The following FBLN1 variants were observed in gnomAD, a reference collection of about 807,000 sequenced individuals.
The protein encoded by FBLN1 is fibulin-1.
A neutral mutation model predicts 89.7 loss-of-function variants in FBLN1; 34 were observed. That is an observed-to-expected ratio of 0.38 (90% CI 0.29 to 0.50). FBLN1 has a LOEUF of 0.50. Ranked by LOEUF, FBLN1 falls within the 20% of genes least tolerant of loss-of-function variation. The pLI is 0.92. For synonymous variants in FBLN1, 393 were observed against 391.3 expected (o/e 1.00, Z -0.05); for missense variants, 777 against 988.1 (o/e 0.79, Z 2.86).
chr22:45,571,264 A>G (rs562036452), intron 14 of FBLN1, among the ~76,000 whole-genome samples: 11 of 152,218 alleles, frequency 7.2e-5, no homozygotes, highest in East Asian at 1.9e-4. Context: ...AAGAAAATAA[A>G]TAACATATTA....
rs2089027307 is a variant in FBLN1 at position 45,579,721 on chromosome 22, G to A, written c.1972+2613G>A. Among the ~76,000 whole-genome samples, 1 of 152,214 alleles carries A rather than the reference G, an allele frequency of 6.6e-6. No homozygotes were observed. The highest frequency in any genetic ancestry group is 1.5e-5 in the Non-Finnish European group (1 of 68,026). On this transcript the variant is annotated intron_variant, in intron 16 of 16. Coordinates refer to ENST00000327858, the MANE Select transcript of FBLN1 (RefSeq NM_006486.3). The surrounding 1 kb of genome is among the most constrained non-coding windows in gnomAD (Gnocchi z 5.5). ...AGCCCTGCGTGTTGGGACCTAGGCTGCATTGCTGGCTGGCTCCTGTCTCTG... is the reference window on the plus strand; with the variant it reads ...AGCCCTGCGTGTTGGGACCTAGGCTACATTGCTGGCTGGCTCCTGTCTCTG...
intron 14 of FBLN1, among the ~76,000 whole-genome samples, chr22:45,554,109 G>C (rs1185734796): frequency 6.6e-6 from 1 of 152,252 alleles, no homozygotes; most frequent in Non-Finnish European, 1.5e-5. Flanking sequence ...AGCAAGTTCT[G>C]CATCCTCAAT....
At chr22:45,560,676 C>T (rs1268219415) in intron 14 of FBLN1, among the ~76,000 whole-genome samples, 1 of 152,228 alleles carries the variant, frequency 6.6e-6, no homozygotes, top group Non-Finnish European at 1.5e-5. Flanking sequence ...CATTCTCCGA[C>T]ACCCTTAATA....
intron 16 of FBLN1, 113 bp from the exon 17 acceptor site, chr22:45,600,194 T>G: frequency 1.5e-6 from 2 of 1,291,792 alleles, no homozygotes; most frequent in Non-Finnish European, 2.2e-6. Context: ...TGGGACTCCA[T>G]GAGGTCTATG....
rs540778248 is a variant in FBLN1, at chr22:45,572,082, T to C, written c.1698-2429T>C. On this transcript the variant is annotated intron_variant, in intron 14 of 16. Coordinates refer to ENST00000327858, the MANE Select transcript of FBLN1 (RefSeq NM_006486.3). The surrounding 1 kb of genome is among the most constrained non-coding windows in gnomAD (Gnocchi z 5.8). ...AGGTGGAGGTTGCAGTGAGCCGATA[T>C]CGCACCACAGCACTCCAGCCTGGGT... 2.6e-5 allele frequency among the ~76,000 whole-genome samples: 4 copies of C among 152,160 alleles called. No homozygotes were observed. The highest frequency in any genetic ancestry group is 2.6e-4 in the Admixed American group (4 of 15,276).
intron 2 of FBLN1, 62 bp from the exon 3 acceptor site, chr22:45,525,481 G>C: frequency 1.3e-6 from 2 of 1,516,828 alleles, no homozygotes; most frequent in Non-Finnish European, 1.8e-6. Flanking sequence ...CCACCCCCGA[G>C]GATCTCGTGC....
At chr22:45,542,639 G>A (rs560257889) in intron 10 of FBLN1, among the ~76,000 whole-genome samples, 1 of 152,348 alleles carries the variant, frequency 6.6e-6, no homozygotes, top group African/African-American at 2.4e-5. Flanking sequence ...AGGAGCTAGA[G>A]ATGTGTGCCT....
intron 8 of FBLN1, 200 bp downstream of exon 8, chr22:45,535,537 C>A: frequency 1.6e-6 from 1 of 628,416 alleles, no homozygotes; most frequent in Non-Finnish European, 2.8e-6. Flanking sequence ...TAATAGTCAA[C>A]TCTGCTGTTA....
Position 45,562,401 on chromosome 22 carries a change from G to A in FBLN1, c.1697+11786G>A, listed in dbSNP as rs1239947223. Among the ~76,000 whole-genome samples the A allele has an allele frequency of 1.3e-5, 2 of 152,224 alleles. No homozygotes were observed. Among genetic ancestry groups the A allele is most frequent in the African/African-American group, 4.8e-5 (2 of 41,462 alleles). ...GTGTCCTCATGTGAAAAATATCACCGAAGCCACTGTCATGGGGTGGTGGCA... is the reference window on the plus strand; with the variant it reads ...GTGTCCTCATGTGAAAAATATCACCAAAGCCACTGTCATGGGGTGGTGGCA... On this transcript the variant is annotated intron_variant, in intron 14 of 16. Coordinates refer to ENST00000327858, the MANE Select transcript of FBLN1 (RefSeq NM_006486.3). This position sits in a 1 kb window ranked among gnomAD's most constrained non-coding sequence, Gnocchi z 7.8.
chr22:45,525,767 C>T (rs1157969649), intron 3 of FBLN1, 89 bp downstream of exon 3: 36 of 1,504,718 alleles, frequency 2.4e-5, no homozygotes, highest in South Asian at 6.0e-5. Context: ...TGTCTGTCAG[C>T]GCTCCCTGCC....
At chr22:45,569,117 G>C (rs61610965) in intron 14 of FBLN1, among the ~76,000 whole-genome samples, 9,087 of 152,220 alleles carry the variant, frequency 0.06, 899 homozygotes, top group African/African-American at 0.2. Context: ...CTGAGGTACT[G>C]GGGATGGAAC....
intron 16 of FBLN1, among the ~76,000 whole-genome samples, chr22:45,589,602 C>T (rs528618672): frequency 6.6e-6 from 1 of 152,148 alleles, no homozygotes; most frequent in Non-Finnish European, 1.5e-5. Flanking sequence ...TCATTCATGG[C>T]GCCTCTCAGG....
At position 45,537,452 on chromosome 22, in the gene FBLN1, C is replaced by G. The variant is rs763493856; in HGVS notation, c.922+2115C>G. 2.4e-4 allele frequency among the ~76,000 whole-genome samples: 37 copies of G among 152,180 alleles called. No individual in the cohort carries two copies. Among genetic ancestry groups the G allele is most frequent in the Non-Finnish European group, 3.4e-4 (23 of 68,002 alleles). Reference sequence around the variant, plus strand: ...TGACCAATATGGTGAAACCCCGTCTCTACTAAAAATACAAAAATTAGCCGG... The same window carrying G: ...TGACCAATATGGTGAAACCCCGTCTGTACTAAAAATACAAAAATTAGCCGG... On this transcript the variant is annotated intron_variant, in intron 8 of 16. Transcript: ENST00000327858. This position sits in a 1 kb window ranked among gnomAD's most constrained non-coding sequence, Gnocchi z 5.7.
intron 2 of FBLN1, among the ~76,000 whole-genome samples, chr22:45,522,562 T>C (rs144679616): frequency 2.6e-5 from 4 of 152,176 alleles, no homozygotes; most frequent in African/African-American, 9.7e-5. Flanking sequence ...TCCGCAACCA[T>C]GGGCTGTAGC....
In FBLN1 at chr22:45,520,850, C is replaced by CT. The variant is rs1416471451; in HGVS notation, c.185+2064dup. Among the ~76,000 whole-genome samples, 15 of 152,226 alleles carry CT rather than the reference C, an allele frequency of 9.9e-5. 1 individual carries two copies. The South Asian group carries it at 3.1e-3, about 32-fold the overall frequency. On this transcript the variant is annotated intron_variant, in intron 2 of 16. Transcript: ENST00000327858. ...TTATTTTTTGAAACTGAGTCTTGCT[C>CT]TGTTGCCCAGGCTGGGGTGCAGTAT...
At position 45,556,161 on chromosome 22, in the gene FBLN1, A is replaced by G. The variant is rs936021017; in HGVS notation, c.1697+5546A>G. Among the ~76,000 whole-genome samples, 50 of 152,064 alleles carry G rather than the reference A, an allele frequency of 3.3e-4. No individual in the cohort carries two copies. Among genetic ancestry groups the G allele is most frequent in the African/African-American group, 1.1e-3 (47 of 41,412 alleles). On this transcript the variant is annotated intron_variant, in intron 14 of 16. Transcript: ENST00000327858. This position sits in a 1 kb window ranked among gnomAD's most constrained non-coding sequence, Gnocchi z 4.6. ...CAGGTGTGCACCACCATACCCAGCT[A>G]ATTTTTCTATTTTAAGTAGAGATGG... is the stretch of plus-strand genomic sequence containing the variant.
At chr22:45,547,588 C>T (rs2088648740) in intron 12 of FBLN1, among the ~76,000 whole-genome samples, 2 of 151,656 alleles carry the variant, frequency 1.3e-5, no homozygotes, top group African/African-American at 4.8e-5. Context: ...AAATTAGAGA[C>T]GGGGCCTTGC....
intron 16 of FBLN1, among the ~76,000 whole-genome samples, chr22:45,591,846 A>G (rs12160630): frequency 0.027 from 1,081 of 40,184 alleles, 4 homozygotes; most frequent in African/African-American, 0.11. Context: ...AGACAGGAGG[A>G]AGGAAGTGTC....
intron 14 of FBLN1, among the ~76,000 whole-genome samples, chr22:45,554,440 C>T (rs774583802): frequency 1.3e-5 from 2 of 152,202 alleles, no homozygotes; most frequent in Non-Finnish European, 2.9e-5. Context: ...GTTTTGGGCC[C>T]CTCCCAGGCA....
Sources: allele counts gnomAD v4.1 joint callset (sites outside exome capture counted in the v4.1 genomes callset), GRCh38; gene constraint gnomAD v4.1.1; non-coding constraint Gnocchi (gnomAD v3.1); transcripts MANE v1.5; gene names NCBI Gene and HGNC (gene_info 2026-07-23, HGNC 2026-07-21).